SAMMSON: variants seen among roughly 807,000 people sequenced by gnomAD.
The protein encoded by SAMMSON is survival associated mitochondrial melanoma specific oncogenic non-coding RNA.
intron 7 of SAMMSON, among the ~76,000 whole-genome samples, chr3:70,310,828 G>A (rs1228679144): frequency 6.6e-6 from 1 of 151,888 alleles, no homozygotes; most frequent in Non-Finnish European, 1.5e-5. Flanking sequence ...TTTTTCTTTG[G>A]AACATGATGA....
intron 9 of SAMMSON, among the ~76,000 whole-genome samples, chr3:70,369,766 G>A (rs1487093709): frequency 6.6e-6 from 1 of 151,780 alleles, no homozygotes; most frequent in African/African-American, 2.4e-5. Flanking sequence ...ACCAGTCAGG[G>A]TGTTTAGGGT....
chr3:70,430,621 A>C (rs1159377918), intron 2 of SAMMSON, among the ~76,000 whole-genome samples: 1 of 152,150 alleles, frequency 6.6e-6, no homozygotes, highest in Non-Finnish European at 1.5e-5. Context: ...CAAACCTTAA[A>C]TTATAGGCAT....
intron 4 of SAMMSON, among the ~76,000 whole-genome samples, chr3:70,237,961 A>G (rs1701627103): frequency 7.4e-6 from 1 of 134,362 alleles, no homozygotes; most frequent in South Asian, 2.5e-4. Context: ...AAGGGAAAAG[A>G]AACTAATTGA....
intron 7 of SAMMSON, among the ~76,000 whole-genome samples, chr3:70,328,977 G>A (rs1422983662): frequency 6.6e-6 from 1 of 152,072 alleles, no homozygotes; most frequent in Non-Finnish European, 1.5e-5. Flanking sequence ...ACAGACAGTA[G>A]CCATCTCATC....
At chr3:70,306,373 AG>A (rs1467836695) in intron 7 of SAMMSON, among the ~76,000 whole-genome samples, 1 of 152,174 alleles carries the variant, frequency 6.6e-6, no homozygotes, top group East Asian at 1.9e-4. Context: ...GGCCTCCCAA[AG>A]TGCTGGGATT....
At chr3:70,034,150 G>C (rs191713870) in intron 3 of SAMMSON, among the ~76,000 whole-genome samples, 1 of 152,232 alleles carries the variant, frequency 6.6e-6, no homozygotes, top group East Asian at 1.9e-4. Flanking sequence ...TGGAACCAAA[G>C]CTGGGCCGTC....
chr3:70,248,969 C>T (rs1400786789), intron 4 of SAMMSON: 1 of 152,054 alleles, frequency 6.6e-6, no homozygotes, highest in Non-Finnish European at 1.5e-5. Context: ...ATTTTATTTC[C>T]TAGGGAGTTC....
intron 7 of SAMMSON, among the ~76,000 whole-genome samples, chr3:70,308,363 C>T (rs1399001193): frequency 1.3e-5 from 2 of 152,156 alleles, no homozygotes; most frequent in African/African-American, 2.4e-5. Context: ...AGCAATGCTG[C>T]ATATTTTTAA....
At chr3:70,335,740 C>A (rs1463833827) in intron 7 of SAMMSON, among the ~76,000 whole-genome samples, 2 of 151,910 alleles carry the variant, frequency 1.3e-5, no homozygotes, top group Admixed American at 6.6e-5. Flanking sequence ...CCACCAACAA[C>A]AAAACAGTTT....
intron 4 of SAMMSON, among the ~76,000 whole-genome samples, chr3:70,180,754 T>C (rs1701047348): frequency 6.6e-6 from 1 of 152,174 alleles, no homozygotes; most frequent in Non-Finnish European, 1.5e-5. Flanking sequence ...GGATATACAG[T>C]GGTGCACAAC....
At chr3:70,069,625 A>T (rs952388325) in intron 3 of SAMMSON, 1 of 152,256 alleles carries the variant, frequency 6.6e-6, no homozygotes, top group African/African-American at 2.4e-5. Context: ...GGATACTCAC[A>T]TAGTGCTTGC....
At chr3:70,000,096 A>G (rs1431036243) in intron 1 of SAMMSON, among the ~76,000 whole-genome samples, 2 of 152,166 alleles carry the variant, frequency 1.3e-5, no homozygotes, top group Admixed American at 1.3e-4. Flanking sequence ...AGAGGGTCCA[A>G]TTGAGCTAAC....
chr3:70,021,319 CTT>C (rs985888229), intron 3 of SAMMSON, among the ~76,000 whole-genome samples: 6 of 152,090 alleles, frequency 3.9e-5, no homozygotes, highest in Non-Finnish European at 7.4e-5. Flanking sequence ...GATATGTTTA[CTT>C]TTCAAGAAAG....
chr3:70,254,624 A>C (rs866501279), intron 6 of SAMMSON, among the ~76,000 whole-genome samples: 2 of 152,206 alleles, frequency 1.3e-5, no homozygotes, highest in African/African-American at 4.8e-5. Flanking sequence ...ACAATTTTCC[A>C]CTATGAAATC....
intron 4 of SAMMSON, chr3:70,173,071 C>T (rs1447036065): frequency 6.6e-6 from 1 of 151,816 alleles, no homozygotes; most frequent in Non-Finnish European, 1.5e-5. Flanking sequence ...ATTGGGAGGA[C>T]ATGTAAATTA....
At chr3:70,406,094 T>G (rs1235515068) in intron 2 of SAMMSON, among the ~76,000 whole-genome samples, 1 of 152,194 alleles carries the variant, frequency 6.6e-6, no homozygotes. Context: ...ATGCTTATGT[T>G]AATTAGTTTT....
At chr3:70,368,004 G>T (rs1298755896) in intron 9 of SAMMSON, among the ~76,000 whole-genome samples, 1 of 149,084 alleles carries the variant, frequency 6.7e-6, no homozygotes, top group Non-Finnish European at 1.5e-5. Flanking sequence ...TTTATATTTT[G>T]GATACAAGTC....
At position 70,396,268 on chromosome 3, in the gene SAMMSON, A is replaced by T. The variant is rs566015407; in HGVS notation, n.233+37944A>T. Among the ~76,000 whole-genome samples, 3 of 152,366 alleles carry T rather than the reference A, an allele frequency of 2.0e-5. 1 individual carries two copies. Among genetic ancestry groups the T allele is most frequent in the African/African-American group, 7.2e-5 (3 of 41,594 alleles). On this transcript the variant is annotated intron_variant and non_coding_transcript_variant, in intron 2 of 3. Transcript: ENST00000641053. ...AATATGAAATATTACAATATGAAATACTATTAACATACACAATAAAGGGCT... is the reference window on the plus strand; with the variant it reads ...AATATGAAATATTACAATATGAAATTCTATTAACATACACAATAAAGGGCT...
At chr3:70,222,661 C>T (rs1044900058) in intron 4 of SAMMSON, among the ~76,000 whole-genome samples, 1 of 152,068 alleles carries the variant, frequency 6.6e-6, no homozygotes, top group Non-Finnish European at 1.5e-5. Context: ...CTCAGACATC[C>T]TTACCACTTA....
Sources: gnomAD v4.1 joint callset for allele counts (sites outside exome capture counted in the v4.1 genomes callset) on GRCh38, gnomAD v4.1.1 for gene constraint, MANE v1.5 for transcripts, NCBI Gene and HGNC (gene_info 2026-07-23, HGNC 2026-07-21) for gene names.